The following RORA variants were observed in gnomAD, a reference collection of about 807,000 sequenced individuals.
RORA encodes nuclear receptor ROR-alpha.
In RORA, 7 loss-of-function variants were observed where a neutral mutation model predicts 69.5. The observed-to-expected ratio is 0.10, with a 90% CI of 0.06 to 0.19. RORA has a LOEUF of 0.19. RORA is among the 10% of genes least tolerant of loss of function. The probability of loss-of-function intolerance (pLI) is 1.00; values close to 1 mark genes in which losing one functional copy is unlikely to be tolerated. For synonymous variants in RORA, 261 were observed against 240.8 expected, an observed-to-expected ratio of 1.08 and a Z score of -0.78; for missense variants, 457 against 663.0, an observed-to-expected ratio of 0.69 and a Z score of 3.41.
intron 1 of RORA, among the ~76,000 whole-genome samples, chr15:60,811,967 T>C (rs1160520044): frequency 1.3e-5 from 2 of 152,214 alleles, no homozygotes; most frequent in African/African-American, 2.4e-5. Flanking sequence ...GGCAAAGTTT[T>C]CTAATTATTA....
intron 1 of RORA, among the ~76,000 whole-genome samples, chr15:61,086,130 G>A (rs139183553): frequency 6.6e-6 from 1 of 152,272 alleles, no homozygotes; most frequent in African/African-American, 2.4e-5. Context: ...CTTGTTCCCC[G>A]CTCTATAATC....
intron 1 of RORA, among the ~76,000 whole-genome samples, chr15:60,760,826 C>T (rs970160400): frequency 1.3e-5 from 2 of 151,942 alleles, no homozygotes; most frequent in Non-Finnish European, 2.9e-5. Flanking sequence ...AATTGAATGA[C>T]GATGCATGTC....
intron 7 of RORA, among the ~76,000 whole-genome samples, 177 bp downstream of exon 7, chr15:60,503,358 T>C (rs555010930): frequency 6.6e-6 from 1 of 152,312 alleles, no homozygotes; most frequent in East Asian, 1.9e-4. Context: ...GTGGGGGGAA[T>C]GTTTCCTGAA....
At chr15:60,923,919 C>G (rs1892127118) in intron 1 of RORA, among the ~76,000 whole-genome samples, 1 of 152,204 alleles carries the variant, frequency 6.6e-6, no homozygotes. Context: ...TCTCTTTCCC[C>G]CTTAGTCCAT....
chr15:60,699,521 C>A (rs936277419), intron 1 of RORA, among the ~76,000 whole-genome samples: 1 of 152,098 alleles, frequency 6.6e-6, no homozygotes, highest in African/African-American at 2.4e-5. Context: ...AAATTCTAGC[C>A]CAAAACATTT....
At chr15:60,665,757 C>T (rs1156873645) in intron 2 of RORA, among the ~76,000 whole-genome samples, 3 of 152,114 alleles carry the variant, frequency 2.0e-5, no homozygotes, top group African/African-American at 7.2e-5. Flanking sequence ...TCACTGCAAC[C>T]TCCATCTCCC....
At chr15:61,176,202 A>G (rs2079627939) in intron 1 of RORA, 1 of 152,224 alleles carries the variant, frequency 6.6e-6, no homozygotes, top group Non-Finnish European at 1.5e-5. Context: ...CACAGTCAAG[A>G]GGTTGCACAT....
At chr15:60,865,085 C>T (rs1467017226) in intron 1 of RORA, among the ~76,000 whole-genome samples, 1 of 152,202 alleles carries the variant, frequency 6.6e-6, no homozygotes, top group African/African-American at 2.4e-5. Context: ...TCCTGGTTCT[C>T]CCATTGCCTG....
intron 1 of RORA, among the ~76,000 whole-genome samples, chr15:60,732,307 T>C (rs1327358378): frequency 1.3e-5 from 2 of 152,208 alleles, no homozygotes; most frequent in African/African-American, 4.8e-5. Context: ...TGTTGGATTA[T>C]ATAAGATGGA....
intron 1 of RORA, among the ~76,000 whole-genome samples, chr15:61,228,364 G>T (rs1280425502): frequency 6.7e-6 from 1 of 149,504 alleles, no homozygotes; most frequent in Non-Finnish European, 1.5e-5. Flanking sequence ...CGCCGCGCCC[G>T]CCAGACAACT....
At chr15:61,105,553 G>C (rs1401251794) in intron 1 of RORA, among the ~76,000 whole-genome samples, 1 of 152,080 alleles carries the variant, frequency 6.6e-6, no homozygotes, top group Non-Finnish European at 1.5e-5. Context: ...CTTCTGCCAA[G>C]GTCATTGGTT....
At chr15:60,896,732 C>CTTTTTT (rs66780614) in intron 1 of RORA, among the ~76,000 whole-genome samples, 1 of 117,170 alleles carries the variant, frequency 8.5e-6, no homozygotes, top group African/African-American at 3.0e-5. Flanking sequence ...GAGAATTTAG[C>CTTTTTT]TTTTTTTTTT....
intron 1 of RORA, among the ~76,000 whole-genome samples, chr15:60,876,324 G>GC (rs1163521015): frequency 7.0e-6 from 1 of 142,556 alleles, no homozygotes; most frequent in African/African-American, 2.6e-5. Context: ...GGGGGGGGGG[G>GC]GGCGGCTAGG....
At chr15:61,171,069 T>A (rs79140601) in intron 1 of RORA, among the ~76,000 whole-genome samples, 1,870 of 152,278 alleles carry the variant, frequency 0.012, 81 homozygotes, top group Admixed American at 0.081. Flanking sequence ...AATTTGCTAT[T>A]GTCTGATTTA....
intron 1 of RORA, among the ~76,000 whole-genome samples, chr15:61,141,180 A>G (rs1421727242): frequency 6.6e-6 from 1 of 152,246 alleles, no homozygotes; most frequent in Non-Finnish European, 1.5e-5. Flanking sequence ...TATAGACCAT[A>G]CAAAGAGGTG....
In RORA at chr15:61,213,862, G is replaced by A. The variant is rs566884085; in HGVS notation, c.166+15191C>T. ...ATATTTGATGGATCAATGCAAGGAG[G>A]CGATATATTCTATTATACTGCCCTT... On this transcript the variant is annotated intron_variant, in intron 1 of 10. Coordinates refer to ENST00000335670, the MANE Select transcript of RORA (RefSeq NM_134261.3). This position sits in a 1 kb window ranked among gnomAD's most constrained non-coding sequence, Gnocchi z 4.1. 22 of 152,306 alleles carry A rather than the reference G, an allele frequency of 1.4e-4. No homozygotes were observed. The highest frequency in any genetic ancestry group is 5.1e-4 in the African/African-American group (21 of 41,576). The allele number at this position is 152,306 out of a possible 1,614,324, so 9.4% of individuals were successfully genotyped here. A position where few individuals can be genotyped will look rare whatever the true frequency, so the allele number is the denominator to read the frequency against.
At chr15:61,036,011 C>CAG (rs1409653942) in intron 1 of RORA, among the ~76,000 whole-genome samples, 2 of 152,168 alleles carry the variant, frequency 1.3e-5, no homozygotes, top group Non-Finnish European at 2.9e-5. Flanking sequence ...GGGTTAAGAA[C>CAG]AGATGAGCTT....
At chr15:60,685,391 C>G (rs1260834561) in intron 1 of RORA, among the ~76,000 whole-genome samples, 1 of 152,160 alleles carries the variant, frequency 6.6e-6, no homozygotes, top group Non-Finnish European at 1.5e-5. Flanking sequence ...GAAACGAGGC[C>G]TAGAATTTAG....
rs2072400014 is a variant in RORA at position 60,790,506 on chromosome 15, G to A, written c.167-111820C>T. Among the ~76,000 whole-genome samples, 6 of 152,214 alleles carry A rather than the reference G, an allele frequency of 3.9e-5. No homozygotes were observed. In the South Asian group the frequency reaches 1.2e-3, roughly 32 times the overall value. On this transcript the variant is annotated intron_variant, in intron 1 of 10. Coordinates refer to ENST00000335670, the MANE Select transcript of RORA (RefSeq NM_134261.3). ...GCACCATGGCCTCAGGAAGACTGGG[G>A]ACTGACAGAGAATGGAAACTGCAAG...
Sources: allele counts gnomAD v4.1 joint callset (sites outside exome capture counted in the v4.1 genomes callset), GRCh38; gene constraint gnomAD v4.1.1; non-coding constraint Gnocchi (gnomAD v3.1); transcripts MANE v1.5; gene names NCBI Gene and HGNC (gene_info 2026-07-23, HGNC 2026-07-21).